Variants in PTPRM observed in about 807,000 individuals in gnomAD.
The protein encoded by PTPRM is protein tyrosine phosphatase receptor type M.
Under a neutral mutation model 186.7 loss-of-function variants are expected in PTPRM, and 47 were observed. The ratio of observed to expected loss-of-function variants is 0.25; its 90% CI spans 0.20 to 0.32. The LOEUF is 0.32. PTPRM is among the 10% of genes least tolerant of loss of function. PTPRM has a pLI of 1.00. For missense variants in PTPRM, 1,494 were observed against 1,865.0 expected (o/e 0.80, Z 3.66); for synonymous variants, 668 against 674.9 (o/e 0.99, Z 0.16).
intron 2 of PTPRM, among the ~76,000 whole-genome samples, chr18:7,787,685 A>G (rs2043156013): frequency 6.6e-6 from 1 of 152,232 alleles, no homozygotes; most frequent in African/African-American, 2.4e-5. Flanking sequence ...TGAATGAGAA[A>G]TAAGCTGTGT....
At chr18:8,204,826 T>C (rs2093905990) in intron 14 of PTPRM, among the ~76,000 whole-genome samples, 1 of 152,166 alleles carries the variant, frequency 6.6e-6, no homozygotes, top group Non-Finnish European at 1.5e-5. Context: ...ACCAATTTTT[T>C]TGAGGATTAC....
intron 2 of PTPRM, among the ~76,000 whole-genome samples, chr18:7,861,425 T>C (rs770787097): frequency 6.6e-6 from 1 of 152,228 alleles, no homozygotes; most frequent in African/African-American, 2.4e-5. Context: ...AATATTTGAA[T>C]GCAATCTGGC....
chr18:7,815,490 T>G (rs1218067596), intron 2 of PTPRM: 4 of 152,136 alleles, frequency 2.6e-5, no homozygotes, highest in African/African-American at 9.7e-5. Context: ...AATAGTATAT[T>G]TTTCCTCATA....
chr18:8,360,221 C>T lies in PTPRM; in HGVS notation c.3055-10669C>T, dbSNP rs565762277. 1.4e-4 allele frequency among the ~76,000 whole-genome samples: 21 copies of T among 152,306 alleles called. 1 individual carries two copies. Among genetic ancestry groups the T allele is most frequent in the African/African-American group, 5.1e-4 (21 of 41,538 alleles). On this transcript the variant is annotated intron_variant, in intron 23 of 32. Transcript: ENST00000580170. ...AGGAGAAATGTAATTCAGTAGGCTA[C>T]AGACAACCAGAATTCACTGCCTCAG...
chr18:7,869,486 A>G lies in PTPRM; in HGVS notation c.197-18620A>G, dbSNP rs998278236. Among the ~76,000 whole-genome samples the G allele has an allele frequency of 3.3e-5, 5 of 152,204 alleles. No homozygotes were observed. In the South Asian group the frequency reaches 6.2e-4, roughly 19 times the overall value. Reference sequence around the variant, plus strand: ...GACCCCTTGCGCTTCCCGGGAGGCAATGCCCCACCCTGCTTCTGCTCTCCC... The same window carrying G: ...GACCCCTTGCGCTTCCCGGGAGGCAGTGCCCCACCCTGCTTCTGCTCTCCC... On this transcript the variant is annotated intron_variant, in intron 2 of 32. Transcript: ENST00000580170.
At chr18:8,002,130 G>A (rs867063181) in intron 7 of PTPRM, among the ~76,000 whole-genome samples, 5 of 152,162 alleles carry the variant, frequency 3.3e-5, no homozygotes, top group Non-Finnish European at 2.9e-5. Context: ...CTAGATTTAT[G>A]AAGCACTCCC....
intron 1 of PTPRM, among the ~76,000 whole-genome samples, chr18:7,728,049 G>A (rs1053468697): frequency 1.3e-5 from 2 of 152,108 alleles, no homozygotes; most frequent in African/African-American, 4.8e-5. Context: ...CTTGTCTCTG[G>A]TCTCTGGCCT....
chr18:8,344,732 T>C (rs917400942), intron 23 of PTPRM, among the ~76,000 whole-genome samples: 4 of 151,598 alleles, frequency 2.6e-5, no homozygotes, highest in Non-Finnish European at 4.4e-5. Context: ...TGTGTGAGTG[T>C]TGGGGGAGGG....
intron 3 of PTPRM, among the ~76,000 whole-genome samples, chr18:7,905,094 A>G (rs1391734498): frequency 1.3e-5 from 2 of 152,076 alleles, no homozygotes; most frequent in African/African-American, 4.8e-5. Flanking sequence ...CCCAGATTCA[A>G]GCGATTCTCC....
intron 11 of PTPRM, among the ~76,000 whole-genome samples, chr18:8,109,890 A>T (rs529799255): frequency 1.5e-3 from 232 of 152,336 alleles, no homozygotes; most frequent in African/African-American, 5.2e-3. Flanking sequence ...TCATTATTTA[A>T]TTGTGGGTTA....
At chr18:8,262,765 A>C (rs2094647663) in intron 19 of PTPRM, among the ~76,000 whole-genome samples, 1 of 152,254 alleles carries the variant, frequency 6.6e-6, no homozygotes, top group Admixed American at 6.5e-5. Context: ...ATATTAATTG[A>C]TTTATTCAGT....
intron 22 of PTPRM, among the ~76,000 whole-genome samples, chr18:8,327,224 C>A (rs1365214321): frequency 6.6e-6 from 1 of 152,194 alleles, no homozygotes; most frequent in Non-Finnish European, 1.5e-5. Context: ...TCCTTTTATG[C>A]TCAGAGGATC....
chr18:7,942,504 G>A (rs149604990), intron 5 of PTPRM, among the ~76,000 whole-genome samples: 1 of 152,020 alleles, frequency 6.6e-6, no homozygotes, highest in African/African-American at 2.4e-5. Context: ...CTGCCCTCCA[G>A]ATACAGGGCA....
At chr18:8,275,878 TC>T (rs1477705304) in intron 19 of PTPRM, among the ~76,000 whole-genome samples, 1 of 152,202 alleles carries the variant, frequency 6.6e-6, no homozygotes, top group Non-Finnish European at 1.5e-5. Flanking sequence ...ATTATTCACT[TC>T]CCTGTGCTTA....
At chr18:7,916,901 A>G (rs977045466) in intron 4 of PTPRM, among the ~76,000 whole-genome samples, 1 of 152,146 alleles carries the variant, frequency 6.6e-6, no homozygotes, top group Non-Finnish European at 1.5e-5. Context: ...ATTAATACTT[A>G]TATCTAACTG....
At chr18:8,109,765 A>G (rs1452628267) in intron 11 of PTPRM, among the ~76,000 whole-genome samples, 7 of 152,160 alleles carry the variant, frequency 4.6e-5, no homozygotes, top group South Asian at 2.1e-4. Context: ...GAAATAATAA[A>G]TCAGTGTACA....
chr18:7,949,844 C>A (rs1184187059), intron 6 of PTPRM, among the ~76,000 whole-genome samples: 1 of 152,008 alleles, frequency 6.6e-6, no homozygotes, highest in Admixed American at 6.6e-5. Flanking sequence ...CTATATTTTG[C>A]ATGACTGAAA....
intron 19 of PTPRM, among the ~76,000 whole-genome samples, chr18:8,289,910 C>G (rs1251816901): frequency 1.3e-5 from 2 of 151,908 alleles, no homozygotes; most frequent in African/African-American, 2.4e-5. Context: ...TTGTTTTCAC[C>G]CAGTCCTCAC....
intron 1 of PTPRM, among the ~76,000 whole-genome samples, chr18:7,637,496 C>G (rs906089250): frequency 2.0e-5 from 3 of 152,168 alleles, no homozygotes; most frequent in Non-Finnish European, 4.4e-5. Context: ...TTGGGGCCAC[C>G]TCATTCATTT....
Sources: allele counts gnomAD v4.1 joint callset (sites outside exome capture counted in the v4.1 genomes callset), GRCh38; gene constraint gnomAD v4.1.1; transcripts MANE v1.5; gene names NCBI Gene and HGNC (gene_info 2026-07-23, HGNC 2026-07-21).